Variants in AKAP11 observed in about 807,000 individuals in gnomAD.
AKAP11 encodes the protein A-kinase anchoring protein 11, also known as A-kinase anchor protein 11.
Under a neutral mutation model 146.1 loss-of-function variants are expected in AKAP11, and 36 were observed. The observed-to-expected ratio is 0.25, with a 90% CI of 0.19 to 0.33. The LOEUF (loss-of-function observed/expected upper bound fraction) is 0.33, where lower values mean the gene tolerates loss of function less well. Ranked by LOEUF, AKAP11 falls within the 10% of genes least tolerant of loss-of-function variation. The pLI, the probability that AKAP11 is intolerant of heterozygous loss-of-function variation, is 1.00. For missense variants in AKAP11, 2,201 were observed against 2,197.0 expected (o/e 1.00, Z -0.04); for synonymous variants, 780 against 786.5 (o/e 0.99, Z 0.14).
At position 42,300,746 on chromosome 13, in the gene AKAP11, A is replaced by G; in HGVS notation, c.2000A>G (p.Tyr667Cys). Residue 667 changes from tyrosine to cysteine, a missense_variant, in exon 8 of 13, where the codon TAT (tyrosine) becomes TGT (cysteine). This residue lies in a region of AKAP11 where 1,867 missense variants were observed against 1,833.5 expected (regional missense o/e 1.02). Transcript: ENST00000025301. ...EGIMEVCQFS[Y>C]PQTPASPQCG... ...ATCATGGAGGTGTGTCAGTTTTCAT[A>G]TCCTCAAACGCCTGCATCTCCACAG... is the stretch of plus-strand genomic sequence containing the variant. 2 of 1,614,108 alleles carry G rather than the reference A, an allele frequency of 1.2e-6. No individual in the cohort carries two copies. The highest frequency in any genetic ancestry group is 2.2e-5 in the South Asian group (2 of 91,072).
intron 3 of AKAP11, 77 bp from the exon 4 acceptor site, chr13:42,292,308 A>G (rs2138520965): frequency 1.2e-6 from 1 of 860,794 alleles, no homozygotes. Context: ...GTGACTATCT[A>G]AAACATCTCC....
Position 42,286,477 on chromosome 13 carries a change from G to C in AKAP11, c.51+78G>C, listed in dbSNP as rs569174573. The stretch of plus-strand genomic sequence containing the variant: ...ATTTTTTTTTAAGTCCTACAGCTAT[G>C]ATGTTTTGTTTAAATGAATCTTATT... On this transcript the variant is annotated intron_variant, in intron 3 of 12. Coordinates refer to ENST00000025301, the MANE Select transcript of AKAP11 (RefSeq NM_016248.4). 5 of 1,061,282 alleles carry C rather than the reference G, an allele frequency of 4.7e-6. No homozygotes were observed. The Admixed American group carries it at 1.0e-4, about 22-fold the overall frequency. The allele number at this position is 1,061,282 out of a possible 1,614,324, so 65.7% of individuals were successfully genotyped here. A position where few individuals can be genotyped will look rare whatever the true frequency, so the allele number is the denominator to read the frequency against.
Position 42,279,980 on chromosome 13 carries a change from T to C in AKAP11, c.-99-6006T>C, listed in dbSNP as rs1365007400. 3.3e-5 allele frequency among the ~76,000 whole-genome samples: 5 copies of C among 152,232 alleles called. No individual in the cohort carries two copies. The East Asian group carries it at 7.7e-4, about 23-fold the overall frequency. On this transcript the variant is annotated intron_variant, in intron 1 of 12. Coordinates refer to ENST00000025301, the MANE Select transcript of AKAP11 (RefSeq NM_016248.4). ...GCTGCTACTTCTTCTGAGGAGTCTA[T>C]CATTACCTGATACATTACAAGGTTT...
intron 6 of AKAP11, among the ~76,000 whole-genome samples, chr13:42,297,541 T>TA (rs1179781946): frequency 6.6e-6 from 1 of 152,010 alleles, no homozygotes; most frequent in Non-Finnish European, 1.5e-5. Context: ...ATATAAATGT[T>TA]ACGCTATATG....
At position 42,283,360 on chromosome 13, in the gene AKAP11, CA is replaced by C. The variant is rs201838142; in HGVS notation, c.-99-2625del. ...TTGAATTCTGAGATAATGTGAGTCT[CA>C]GGGGCATGATTATATTTGTCTGGAT... On this transcript the variant is annotated intron_variant, in intron 1 of 12. Transcript: ENST00000025301. Among the ~76,000 whole-genome samples, 1,418 of 152,236 alleles carry C rather than the reference CA, an allele frequency of 9.3e-3. 23 individuals are homozygous for C. Among genetic ancestry groups the C allele is most frequent in the African/African-American group, 0.032 (1,320 of 41,528 alleles).
chr13:42,271,860 CCCGCGGGCTGCT>C (rs543872353), upstream of AKAP11, among the ~76,000 whole-genome samples: 71 of 151,582 alleles, frequency 4.7e-4, no homozygotes, highest in Middle Eastern at 3.4e-3. Context: ...GCGGGGCTGC[CCCGCGGGCTGCT>C]CCGCGGGCTG....
intron 1 of AKAP11, among the ~76,000 whole-genome samples, chr13:42,275,062 G>C (rs1199387024): frequency 6.6e-6 from 1 of 152,166 alleles, no homozygotes; most frequent in Admixed American, 6.5e-5. Context: ...TAAAAAAAAA[G>C]CATTTGTCAT....
chr13:42,297,211 AT>A, intron 6 of AKAP11, 29 bp downstream of exon 6: 1 of 1,385,140 alleles, frequency 7.2e-7, no homozygotes. Flanking sequence ...TTCTAATGAG[AT>A]TTTTAGGGCA....
chr13:42,318,873 T>C (rs566033873), intron 12 of AKAP11, among the ~76,000 whole-genome samples: 1 of 152,294 alleles, frequency 6.6e-6, no homozygotes, highest in South Asian at 2.1e-4. Flanking sequence ...AGTGTCATTC[T>C]CTGGAGGAGA....
rs1961107585 is a variant in AKAP11 at position 42,321,991 on chromosome 13, A to C, written c.*2763A>C. ...CAGTTCTTTCATGTTTTCCTAAACC[A>C]AGTTAAAATTACATGTATATTTTGG... On this transcript the variant is annotated 3_prime_UTR_variant, in exon 13 of 13. Coordinates refer to ENST00000025301, the MANE Select transcript of AKAP11 (RefSeq NM_016248.4). 1 of 152,288 alleles carries C rather than the reference A, an allele frequency of 6.6e-6. No individual in the cohort carries two copies. The highest frequency in any genetic ancestry group is 1.5e-5 in the Non-Finnish European group (1 of 67,992). 9.4% of individuals were successfully genotyped at this position (152,288 alleles called of 1,614,324 possible). A position where few individuals can be genotyped will look rare whatever the true frequency, so the allele number is the denominator to read the frequency against.
intron 4 of AKAP11, among the ~76,000 whole-genome samples, chr13:42,294,503 A>C (rs902743891): frequency 3.9e-5 from 6 of 152,016 alleles, no homozygotes; most frequent in Non-Finnish European, 7.4e-5. Flanking sequence ...CCAGGGTTCA[A>C]GTGATTCTCC....
Position 42,273,528 on chromosome 13 carries a change from G to A in AKAP11, c.-100+1300G>A, listed in dbSNP as rs1025051726. On this transcript the variant is annotated intron_variant, in intron 1 of 12. Coordinates refer to ENST00000025301, the MANE Select transcript of AKAP11 (RefSeq NM_016248.4). ...GGTCAAAGAATGTAAGGAAATCAGG[G>A]AAGAAGTGGGTTCCCAAGCTGAGCT... 5.9e-5 allele frequency among the ~76,000 whole-genome samples: 9 copies of A among 152,290 alleles called. No homozygotes were observed. In the South Asian group the frequency reaches 1.5e-3, roughly 25 times the overall value.
intron 1 of AKAP11, among the ~76,000 whole-genome samples, chr13:42,280,171 G>C (rs1445440464): frequency 1.3e-5 from 2 of 152,134 alleles, no homozygotes; most frequent in African/African-American, 4.8e-5. Flanking sequence ...TCCTGTCCCT[G>C]TATTGTGACC....
intron 1 of AKAP11, among the ~76,000 whole-genome samples, chr13:42,279,140 T>G (rs1958997561): frequency 1.3e-5 from 2 of 152,212 alleles, no homozygotes. Context: ...TTCTTAGGGT[T>G]TGCTGAGCTT....
At chr13:42,272,868 C>T (rs1429850034) in intron 1 of AKAP11, among the ~76,000 whole-genome samples, 2 of 152,192 alleles carry the variant, frequency 1.3e-5, no homozygotes, top group Non-Finnish European at 2.9e-5. Flanking sequence ...TTAATCCAGG[C>T]ATCTAAGCTG....
chr13:42,301,457 C>G lies in AKAP11; in HGVS notation c.2711C>G (p.Thr904Arg). ...GTTACAAAAATGGTTGATGAACGTACAGATTATTTAACTAAATCTTTAAAG... is the reference window on the plus strand; with the variant it reads ...GTTACAAAAATGGTTGATGAACGTAGAGATTATTTAACTAAATCTTTAAAG... ...LEVTKMVDER[T>R]DYLTKSLKEK... Residue 904 changes from threonine to arginine, a missense_variant, in exon 8 of 13, where the codon ACA (threonine) becomes AGA (arginine). Coordinates refer to ENST00000025301, the MANE Select transcript of AKAP11 (RefSeq NM_016248.4). The G allele has an allele frequency of 6.2e-7, 1 of 1,613,336 alleles. No homozygotes were observed. Among genetic ancestry groups the G allele is most frequent in the African/African-American group, 1.3e-5 (1 of 74,976 alleles).
chr13:42,304,079 C>T (rs1047846759), intron 8 of AKAP11, among the ~76,000 whole-genome samples: 2 of 152,138 alleles, frequency 1.3e-5, no homozygotes, highest in East Asian at 1.9e-4. Context: ...TATCCATTTA[C>T]AGAGCTGGAA....
Position 42,303,378 on chromosome 13 carries a change from CA to C in AKAP11, c.4638del (p.Val1547Ter). 6.2e-7 allele frequency: 1 copy of C among 1,613,538 alleles called. No homozygotes were observed. Among genetic ancestry groups the C allele is most frequent in the Non-Finnish European group, 8.5e-7 (1 of 1,180,002 alleles). On this transcript the variant is annotated frameshift_variant, in exon 8 of 13. Coordinates refer to ENST00000025301, the MANE Select transcript of AKAP11 (RefSeq NM_016248.4). LOFTEE classifies it high-confidence loss of function. ...TTGTTCAAGCTGTAGAACAGTATGC[CA>C]AAAAAGTAGTGGATGACACTCTAGA... is the stretch of plus-strand genomic sequence containing the variant. ...NVVQAVEQYA[K>X]KVVDDTLELT...
Position 42,308,531 on chromosome 13 carries a change from G to A in AKAP11, c.5195G>A (p.Ser1732Asn), listed in dbSNP as rs766240480. The part of the protein sequence containing the change: ...QQMNLSIGDD[S>N]TGSWSNLSFE... ...ATGAACCTCAGTATTGGTGATGACA[G>A]CACTGGTAGCTGGTCCAATTTAAGT... Residue 1732 changes from serine to asparagine, a missense_variant, in exon 9 of 13, where the codon AGC (serine) becomes AAC (asparagine). Around this residue, in one of 3 missense-constraint regions of AKAP11, gnomAD observed 1,867 missense variants for 1,833.5 expected, o/e 1.02. Coordinates refer to ENST00000025301, the MANE Select transcript of AKAP11 (RefSeq NM_016248.4). The A allele has an allele frequency of 6.2e-7, 1 of 1,613,366 alleles. No homozygotes were observed. Among genetic ancestry groups the A allele is most frequent in the South Asian group, 1.1e-5 (1 of 91,032 alleles).
Sources: allele counts gnomAD v4.1 joint callset (sites outside exome capture counted in the v4.1 genomes callset), GRCh38; gene constraint gnomAD v4.1.1; regional missense constraint gnomAD v4.1.1; transcripts MANE v1.5; gene names NCBI Gene and HGNC (gene_info 2026-07-23, HGNC 2026-07-21).